The following KIF11 variants were observed in gnomAD, a reference collection of about 807,000 sequenced individuals.
KIF11 encodes the protein kinesin-like protein KIF11.
In KIF11, 9 loss-of-function variants were observed where a neutral mutation model predicts 121.0. That is an observed-to-expected ratio of 0.07 (90% CI 0.04 to 0.13). The LOEUF is 0.13. Ranked by LOEUF, KIF11 falls within the 10% of genes least tolerant of loss-of-function variation. The pLI is 1.00. For missense variants in KIF11, 846 were observed against 1,217.5 expected (o/e 0.69, Z 4.54); for synonymous variants, 408 against 421.0 (o/e 0.97, Z 0.38).
At chr10:92,644,645 G>T (rs532745845) in intron 17 of KIF11, among the ~76,000 whole-genome samples, 2 of 152,086 alleles carry the variant, frequency 1.3e-5, no homozygotes, top group East Asian at 3.9e-4. Flanking sequence ...TGACTTTCAC[G>T]TGTAGGTTTG....
At chr10:92,604,662 T>C (rs888621745) in intron 1 of KIF11, among the ~76,000 whole-genome samples, 1 of 152,146 alleles carries the variant, frequency 6.6e-6, no homozygotes, top group Admixed American at 6.6e-5. Flanking sequence ...GAGGTATCCT[T>C]CTTAAATAAG....
At chr10:92,594,241 C>G (rs1299076918) in intron 1 of KIF11, among the ~76,000 whole-genome samples, 1 of 152,100 alleles carries the variant, frequency 6.6e-6, no homozygotes, top group Non-Finnish European at 1.5e-5. Flanking sequence ...TTCTGTAAAC[C>G]CCAAAGTATT....
At position 92,620,327 on chromosome 10, in the gene KIF11, G is replaced by A. The variant is rs184778716; in HGVS notation, c.1129-1058G>A. Among the ~76,000 whole-genome samples, 29 of 152,202 alleles carry A rather than the reference G, an allele frequency of 1.9e-4. No individual in the cohort carries two copies. In the East Asian group the frequency reaches 2.9e-3, roughly 15 times the overall value. Reference sequence around the variant, plus strand: ...GATCTCCTGACCTTGTGATCCGCCCGCCTCGGCCTCCCAAAGTGCTGGGAT... The same window carrying A: ...GATCTCCTGACCTTGTGATCCGCCCACCTCGGCCTCCCAAAGTGCTGGGAT... On this transcript the variant is annotated intron_variant, in intron 9 of 21. Transcript: ENST00000260731.
chr10:92,599,555 G>A (rs1362505186), intron 1 of KIF11, among the ~76,000 whole-genome samples: 2 of 149,794 alleles, frequency 1.3e-5, no homozygotes, highest in East Asian at 1.9e-4. Flanking sequence ...AAGAAACGTC[G>A]CTGGATTTTG....
intron 10 of KIF11, among the ~76,000 whole-genome samples, chr10:92,627,806 G>C (rs1455604015): frequency 6.6e-6 from 1 of 151,876 alleles, no homozygotes; most frequent in African/African-American, 2.4e-5. Flanking sequence ...TTTTTCTTTT[G>C]TTCTAGCCCT....
intron 9 of KIF11, 50 bp from the exon 10 acceptor site, chr10:92,621,335 C>A: frequency 9.0e-7 from 1 of 1,111,564 alleles, no homozygotes; most frequent in Non-Finnish European, 1.3e-6. Context: ...CCTTCCCAAA[C>A]TGAATGAAAA....
chr10:92,626,479 G>A (rs373104643), intron 10 of KIF11, among the ~76,000 whole-genome samples: 1 of 152,146 alleles, frequency 6.6e-6, no homozygotes, highest in Non-Finnish European at 1.5e-5. Context: ...CTAGGTGTTT[G>A]TTCTCTAATA....
intron 10 of KIF11, among the ~76,000 whole-genome samples, chr10:92,626,872 G>A (rs995558690): frequency 5.9e-5 from 9 of 151,714 alleles, no homozygotes; most frequent in South Asian, 2.1e-4. Context: ...CCATTCTCTC[G>A]CCTCAGCCTC....
chr10:92,637,032 CAAAA>C (rs66987236), intron 14 of KIF11, 148 bp from the exon 15 acceptor site: 6,441 of 369,436 alleles, frequency 0.017, no homozygotes, highest in East Asian at 0.041. Context: ...GACTCCGTCT[CAAAA>C]AAAAAAAAAA....
At chr10:92,600,051 G>A (rs941049285) in intron 1 of KIF11, among the ~76,000 whole-genome samples, 4 of 150,894 alleles carry the variant, frequency 2.7e-5, no homozygotes, top group Non-Finnish European at 4.4e-5. Flanking sequence ...TGTTGCCCAG[G>A]CGGGAGTGCA....
chr10:92,635,710 C>A (rs1844788640), intron 14 of KIF11, among the ~76,000 whole-genome samples: 1 of 152,152 alleles, frequency 6.6e-6, no homozygotes, highest in Non-Finnish European at 1.5e-5. Context: ...GATAGACGTG[C>A]TCAAGGTAGG....
At chr10:92,608,989 TC>T (rs1844462059) in intron 4 of KIF11, 30 bp from the exon 5 acceptor site, 1 of 1,265,880 alleles carries the variant, frequency 7.9e-7, no homozygotes, top group African/African-American at 1.5e-5. Flanking sequence ...ATGGCATTCT[TC>T]CTTTATATTA....
intron 10 of KIF11, among the ~76,000 whole-genome samples, chr10:92,624,461 A>T (rs1162364905): frequency 1.3e-5 from 2 of 151,712 alleles, no homozygotes; most frequent in Non-Finnish European, 2.9e-5. Context: ...CTGGTCTTGA[A>T]TTCCTGGCCT....
At chr10:92,593,545 C>T in intron 1 of KIF11, 93 bp downstream of exon 1, 2 of 1,050,194 alleles carry the variant, frequency 1.9e-6, no homozygotes, top group South Asian at 1.5e-5. Context: ...ATTTGCATTT[C>T]CTGAGGGTCC....
chr10:92,653,873 T>A lies in KIF11; in HGVS notation c.*77T>A. 1 of 1,328,764 alleles carries A rather than the reference T, an allele frequency of 7.5e-7. No individual in the cohort carries two copies. Among genetic ancestry groups the A allele is most frequent in the Middle Eastern group, 2.0e-4 (1 of 5,086 alleles). 82.3% of individuals were successfully genotyped at this position (1,328,764 alleles called of 1,614,324 possible). A position where few individuals can be genotyped will look rare whatever the true frequency, so the allele number is the denominator to read the frequency against. ...CTGAAACCCCAGAACTTGAGCCTTG[T>A]GTATAGATTTTAAAAGAATATATAT... On this transcript the variant is annotated 3_prime_UTR_variant, in exon 22 of 22. Coordinates refer to ENST00000260731, the MANE Select transcript of KIF11 (RefSeq NM_004523.4).
chr10:92,594,473 A>AT (rs1844270190), intron 1 of KIF11, among the ~76,000 whole-genome samples: 1 of 152,182 alleles, frequency 6.6e-6, no homozygotes, highest in African/African-American at 2.4e-5. Context: ...TTGTTTGAAG[A>AT]TTTTTATTTA....
rs1377092869 is a variant in KIF11, at chr10:92,637,327, C to T, written c.2001+18C>T. 6.3e-7 allele frequency: 1 copy of T among 1,586,474 alleles called. No individual in the cohort carries two copies. The highest frequency in any genetic ancestry group is 1.4e-5 in the African/African-American group (1 of 72,822). The stretch of plus-strand genomic sequence containing the variant: ...CCGATAAGGTAACAAATGCTATGTT[C>T]TTAATATCTCAAAATTGATGTGTTG... On this transcript the variant is annotated intron_variant, in intron 15 of 21. Coordinates refer to ENST00000260731, the MANE Select transcript of KIF11 (RefSeq NM_004523.4).
chr10:92,612,894 T>C, intron 6 of KIF11, 146 bp from the exon 7 acceptor site: 1 of 554,198 alleles, frequency 1.8e-6, no homozygotes, highest in Non-Finnish European at 3.2e-6. Context: ...ATCTCCTATC[T>C]TCCAAAATAT....
Position 92,654,494 on chromosome 10 carries a change from G to A in KIF11, c.*698G>A, listed in dbSNP as rs371687255. On this transcript the variant is annotated 3_prime_UTR_variant, in exon 22 of 22. Transcript: ENST00000260731. ...TGTTTTTTTTCTTGCTATGACTTGT[G>A]TATTTTCTTGCATCCTCCCTAGACT... 8.6e-5 allele frequency: 13 copies of A among 151,976 alleles called. No individual in the cohort carries two copies. The East Asian group carries it at 1.9e-3, about 23-fold the overall frequency. The allele number at this position is 151,976 out of a possible 1,614,324, so 9.4% of individuals were successfully genotyped here. A position where few individuals can be genotyped will look rare whatever the true frequency, so the allele number is the denominator to read the frequency against.
Sources: gnomAD v4.1 joint callset for allele counts (sites outside exome capture counted in the v4.1 genomes callset) on GRCh38, gnomAD v4.1.1 for gene constraint, MANE v1.5 for transcripts, NCBI Gene and HGNC (gene_info 2026-07-23, HGNC 2026-07-21) for gene names.